Variants in MSI2 observed in about 807,000 individuals in gnomAD.
MSI2 encodes the protein RNA-binding protein Musashi homolog 2.
In MSI2, 17 loss-of-function variants were observed where a neutral mutation model predicts 45.6. That is an observed-to-expected ratio of 0.37 (90% CI 0.26 to 0.56). The LOEUF is 0.56. MSI2 is among the 20% of genes least tolerant of loss of function. MSI2 has a pLI of 0.77. For synonymous variants in MSI2, 156 were observed against 158.2 expected (o/e 0.99, Z 0.11); for missense variants, 293 against 444.2 (o/e 0.66, Z 3.06).
At chr17:57,425,315 T>G (rs995475004) in intron 6 of MSI2, among the ~76,000 whole-genome samples, 2 of 152,144 alleles carry the variant, frequency 1.3e-5, no homozygotes, top group African/African-American at 4.8e-5. Context: ...TGATTTTGTT[T>G]AAAAACGAAA....
chr17:57,586,256 C>G (rs574593664), intron 7 of MSI2, among the ~76,000 whole-genome samples: 3 of 152,178 alleles, frequency 2.0e-5, no homozygotes, highest in Non-Finnish European at 4.4e-5. Flanking sequence ...ATGAGACACC[C>G]TTTCCCTGCA....
At chr17:57,335,122 G>A (rs550409380) in intron 5 of MSI2, among the ~76,000 whole-genome samples, 1 of 152,250 alleles carries the variant, frequency 6.6e-6, no homozygotes, top group African/African-American at 2.4e-5. Context: ...TTTCTCTCTG[G>A]ACATATTTTG....
chr17:57,542,300 T>A (rs1259840684), intron 7 of MSI2, among the ~76,000 whole-genome samples: 9 of 152,222 alleles, frequency 5.9e-5, no homozygotes, highest in Admixed American at 5.9e-4. Context: ...AGTTCATCTC[T>A]TCCCTTACGT....
intron 6 of MSI2, among the ~76,000 whole-genome samples, chr17:57,429,234 C>T (rs977906944): frequency 6.6e-6 from 1 of 152,112 alleles, no homozygotes; most frequent in Non-Finnish European, 1.5e-5. Flanking sequence ...ACACAGCCTC[C>T]AAATAGGCAC....
chr17:57,318,250 G>A (rs759735033), intron 5 of MSI2, among the ~76,000 whole-genome samples: 2 of 152,170 alleles, frequency 1.3e-5, no homozygotes, highest in African/African-American at 2.4e-5. Context: ...GGAAGAGGAG[G>A]ACCATAGAGG....
intron 6 of MSI2, among the ~76,000 whole-genome samples, chr17:57,505,219 G>A (rs1163947010): frequency 3.3e-5 from 5 of 152,182 alleles, no homozygotes; most frequent in South Asian, 4.1e-4. Flanking sequence ...TGGCAACAGA[G>A]CACAGAGAGG....
At chr17:57,452,991 T>G (rs1368208587) in intron 6 of MSI2, among the ~76,000 whole-genome samples, 1 of 140,126 alleles carries the variant, frequency 7.1e-6, no homozygotes, top group Non-Finnish European at 1.5e-5. Flanking sequence ...GGCTTGTTTC[T>G]GGTTGAGGGA....
At chr17:57,414,224 C>T (rs1197253808) in intron 6 of MSI2, among the ~76,000 whole-genome samples, 1 of 152,180 alleles carries the variant, frequency 6.6e-6, no homozygotes, top group African/African-American at 2.4e-5. Flanking sequence ...CTGTAAATTC[C>T]ACCAAGTGGG....
rs539085097 is a variant in MSI2 at position 57,554,634 on chromosome 17, G to A, written c.454+24910G>A. Among the ~76,000 whole-genome samples the A allele has an allele frequency of 5.9e-5, 9 of 152,362 alleles. No individual in the cohort carries two copies. The East Asian group carries it at 1.3e-3, about 23-fold the overall frequency. ...TGATAAGACAGTAGCTAAGCACTCC[G>A]TAAGCCTGTGTACTGGGCTGAGCAA... On this transcript the variant is annotated intron_variant, in intron 7 of 13. Transcript: ENST00000284073.
intron 8 of MSI2, among the ~76,000 whole-genome samples, chr17:57,603,131 C>G (rs1469040136): frequency 2.0e-5 from 3 of 152,228 alleles, no homozygotes; most frequent in Non-Finnish European, 4.4e-5. Context: ...CATACTCCCT[C>G]TATGGTCAAA....
chr17:57,553,296 G>A (rs930509982), intron 7 of MSI2, among the ~76,000 whole-genome samples: 1 of 152,192 alleles, frequency 6.6e-6, no homozygotes, highest in Non-Finnish European at 1.5e-5. Flanking sequence ...ACTGAAAGCT[G>A]TTTGGGAAGG....
chr17:57,593,377 G>C (rs1905010714), intron 7 of MSI2, among the ~76,000 whole-genome samples: 1 of 152,152 alleles, frequency 6.6e-6, no homozygotes, highest in Non-Finnish European at 1.5e-5. Context: ...TCCCCCAAGA[G>C]GTTCTGGGGG....
At chr17:57,501,990 A>C (rs994462866) in intron 6 of MSI2, among the ~76,000 whole-genome samples, 1 of 152,200 alleles carries the variant, frequency 6.6e-6, no homozygotes, top group African/African-American at 2.4e-5. Context: ...TTGCATAGCC[A>C]GTTTCTAGGA....
chr17:57,347,898 C>T (rs1324620810), intron 5 of MSI2, among the ~76,000 whole-genome samples: 2 of 152,204 alleles, frequency 1.3e-5, no homozygotes, highest in African/African-American at 4.8e-5. Flanking sequence ...GAGGCTGTGC[C>T]CTTTGCCAGG....
chr17:57,262,095 T>C, intron 4 of MSI2, 56 bp from the exon 5 acceptor site: 3 of 1,543,488 alleles, frequency 1.9e-6, no homozygotes, highest in Non-Finnish European at 2.7e-6. Flanking sequence ...TGATTAATCA[T>C]ATATTTTTTC....
At chr17:57,344,074 A>C (rs60384564) in intron 5 of MSI2, among the ~76,000 whole-genome samples, 10,622 of 152,278 alleles carry the variant, frequency 0.07, 560 homozygotes, top group African/African-American at 0.14. Context: ...AGATGCTTTA[A>C]GATGTTCCTC....
chr17:57,617,295 G>C (rs1263339574), intron 9 of MSI2, among the ~76,000 whole-genome samples: 1 of 152,094 alleles, frequency 6.6e-6, no homozygotes, highest in South Asian at 2.1e-4. Context: ...TTTTAAATTG[G>C]CCAGATGTTT....
At chr17:57,686,373 C>T (rs1230431052), downstream of MSI2, among the ~76,000 whole-genome samples, 1 of 152,038 alleles carries the variant, frequency 6.6e-6, no homozygotes, top group African/African-American at 2.4e-5. Context: ...GAAGAAACAA[C>T]AATGTAAAAT....
At chr17:57,284,589 G>A (rs144057774) in intron 5 of MSI2, among the ~76,000 whole-genome samples, 79 of 152,294 alleles carry the variant, frequency 5.2e-4, no homozygotes, top group Non-Finnish European at 9.9e-4. Context: ...GTAATCCCAC[G>A]TAAAACACTC....
Sources: gnomAD v4.1 joint callset for allele counts (sites outside exome capture counted in the v4.1 genomes callset) on GRCh38, gnomAD v4.1.1 for gene constraint, MANE v1.5 for transcripts, NCBI Gene and HGNC (gene_info 2026-07-23, HGNC 2026-07-21) for gene names.